DNAH14: variants seen among roughly 807,000 people sequenced by gnomAD.
DNAH14 encodes the protein dynein axonemal heavy chain 14.
Under a neutral mutation model 520.9 loss-of-function variants are expected in DNAH14, and 478 were observed. The observed-to-expected ratio is 0.92, with a 90% confidence interval of 0.85 to 0.99. DNAH14 has a LOEUF of 0.99. DNAH14 is among the 50% of genes least tolerant of loss of function. DNAH14 has a pLI of 0.00. For missense variants in DNAH14, 4,831 were observed against 5,234.5 expected (o/e 0.92, Z 2.38); for synonymous variants, 1,581 against 1,757.2 (o/e 0.90, Z 2.51).
intron 1 of DNAH14, among the ~76,000 whole-genome samples, chr1:224,944,655 G>A (rs1469518960): frequency 6.6e-6 from 1 of 152,126 alleles, no homozygotes; most frequent in Non-Finnish European, 1.5e-5. Flanking sequence ...CATGTTTAGT[G>A]CTACCTTCAG....
Position 224,955,040 on chromosome 1 carries a change from A to G in DNAH14, c.159A>G (p.Thr53=), listed in dbSNP as rs546428959. 1.9e-6 allele frequency: 3 copies of G among 1,612,004 alleles called. No homozygotes were observed. The highest frequency in any genetic ancestry group is 1.7e-5 in the Admixed American group (1 of 59,920). Residue 53 remains threonine (T), a synonymous_variant, in exon 3 of 86, where the codon ACA becomes ACG. Coordinates refer to ENST00000682510, the MANE Select transcript of DNAH14 (RefSeq NM_001367479.1). ...CAGCTGAAATAGCAGAAAAGGAAACATTGGAATATAAAACAGTTAGAACAT... is the reference window on the plus strand; with the variant it reads ...CAGCTGAAATAGCAGAAAAGGAAACGTTGGAATATAAAACAGTTAGAACAT... ...TQPAEIAEKE[T]LEYKTVRTFS... is the part of the protein sequence containing the mutation.
At chr1:225,120,308 A>T (rs2077186303) in intron 26 of DNAH14, among the ~76,000 whole-genome samples, 1 of 152,132 alleles carries the variant, frequency 6.6e-6, no homozygotes, top group Non-Finnish European at 1.5e-5. Flanking sequence ...GTGTCAGCTG[A>T]TCCATCAAGT....
Position 224,968,729 on chromosome 1 carries a change from A to G in DNAH14, c.652-30A>G, listed in dbSNP as rs895318749. On this transcript the variant is annotated intron_variant, in intron 6 of 85. Coordinates refer to ENST00000682510, the MANE Select transcript of DNAH14 (RefSeq NM_001367479.1). ...AATGGTACATATTTTTTAAAGAAAT[A>G]AAATAATGCTTTTGTGCTTTATTTT... The G allele has an allele frequency of 5.5e-6, 7 of 1,273,250 alleles. No homozygotes were observed. In the South Asian group the frequency reaches 6.4e-5, roughly 12 times the overall value. The allele number at this position is 1,273,250 out of a possible 1,614,324, so 78.9% of individuals were successfully genotyped here.
At chr1:225,150,737 T>C (rs907383638) in intron 31 of DNAH14, among the ~76,000 whole-genome samples, 1 of 88,244 alleles carries the variant, frequency 1.1e-5, no homozygotes, top group Admixed American at 1.1e-4. Context: ...TCCACATACA[T>C]TTTTTTTTTA....
intron 34 of DNAH14, among the ~76,000 whole-genome samples, chr1:225,154,182 C>A (rs2080802016): frequency 6.6e-6 from 1 of 151,746 alleles, no homozygotes; most frequent in Non-Finnish European, 1.5e-5. Flanking sequence ...AAACTTAAAA[C>A]AGGATTGAAA....
At chr1:225,133,265 A>G (rs2078619340) in intron 27 of DNAH14, among the ~76,000 whole-genome samples, 1 of 151,842 alleles carries the variant, frequency 6.6e-6, no homozygotes, top group Admixed American at 6.6e-5. Context: ...CTTTTGTTGC[A>G]ATTGCTTTTG....
intron 6 of DNAH14, chr1:224,967,902 G>T: frequency 8.1e-7 from 1 of 1,238,140 alleles, no homozygotes; most frequent in Non-Finnish European, 1.0e-6. Flanking sequence ...TAATAATAAA[G>T]AAAAGAATAT....
intron 41 of DNAH14, among the ~76,000 whole-genome samples, chr1:225,214,595 G>C (rs1257646268): frequency 6.6e-6 from 1 of 152,154 alleles, no homozygotes; most frequent in Non-Finnish European, 1.5e-5. Flanking sequence ...GTCTGTTATT[G>C]ATGTATTCAG....
At chr1:225,127,261 C>T (rs1236682041) in intron 27 of DNAH14, among the ~76,000 whole-genome samples, 14 of 148,562 alleles carry the variant, frequency 9.4e-5, no homozygotes, top group African/African-American at 1.5e-4. Flanking sequence ...CCTGGATATC[C>T]TTGTTAACTT....
At chr1:225,320,508 C>T (rs1227862534) in intron 61 of DNAH14, among the ~76,000 whole-genome samples, 1 of 152,148 alleles carries the variant, frequency 6.6e-6, no homozygotes, top group Non-Finnish European at 1.5e-5. Context: ...GTGTATTTTA[C>T]TTTGCTCACT....
intron 7 of DNAH14, among the ~76,000 whole-genome samples, chr1:224,972,599 G>A (rs2061565795): frequency 6.6e-6 from 1 of 151,962 alleles, no homozygotes; most frequent in African/African-American, 2.4e-5. Flanking sequence ...CCGAGAAGCT[G>A]GGACTACAGG....
At chr1:225,095,745 C>T (rs2074905585) in intron 21 of DNAH14, among the ~76,000 whole-genome samples, 1 of 152,118 alleles carries the variant, frequency 6.6e-6, no homozygotes, top group Non-Finnish European at 1.5e-5. Flanking sequence ...AAAGTGAATA[C>T]ATGTTGTATG....
At chr1:225,186,087 C>T (rs2149320588) in intron 37 of DNAH14, among the ~76,000 whole-genome samples, 1 of 151,338 alleles carries the variant, frequency 6.6e-6, no homozygotes, top group Middle Eastern at 3.5e-3. Flanking sequence ...ATAGTGCCTA[C>T]TTAGTCATGA....
chr1:225,250,781 T>C (rs2092512431), intron 43 of DNAH14: 1 of 457,790 alleles, frequency 2.2e-6, no homozygotes, highest in East Asian at 3.5e-5. Context: ...ATTGGCTAGT[T>C]TGAATAATTT....
intron 11 of DNAH14, among the ~76,000 whole-genome samples, chr1:225,033,452 C>A (rs1189962541): frequency 6.6e-6 from 1 of 152,074 alleles, no homozygotes; most frequent in Non-Finnish European, 1.5e-5. Context: ...TGTTTTTGCA[C>A]CAGTACCATT....
At chr1:225,102,651 G>T (rs1184925639) in intron 23 of DNAH14, among the ~76,000 whole-genome samples, 1 of 152,182 alleles carries the variant, frequency 6.6e-6, no homozygotes, top group Admixed American at 6.5e-5. Flanking sequence ...GTGATGATGA[G>T]CATTTTTTCA....
intron 26 of DNAH14, among the ~76,000 whole-genome samples, chr1:225,120,472 C>T (rs1054103875): frequency 6.6e-6 from 1 of 152,220 alleles, no homozygotes; most frequent in African/African-American, 2.4e-5. Context: ...GTTAATCCTA[C>T]AAAGGCAGAC....
Position 225,335,274 on chromosome 1 carries a change from A to ACG in DNAH14, c.10080+1768_10080+1769insCG, listed in dbSNP as rs1558425800. On this transcript the variant is annotated intron_variant, in intron 66 of 85. Transcript: ENST00000682510. ...TGTATATGCACATATACACGTGTAC[A>ACG]TTGTGTGTATATGCACATATACACA... 8.4e-3 allele frequency among the ~76,000 whole-genome samples: 781 copies of ACG among 93,050 alleles called. 29 individuals are homozygous for ACG. The highest frequency in any genetic ancestry group is 0.012 in the Middle Eastern group (2 of 166). 61.0% of individuals were successfully genotyped at this position (93,050 alleles called of 152,430 possible). A position where few individuals can be genotyped will look rare whatever the true frequency, so the allele number is the denominator to read the frequency against.
intron 23 of DNAH14, among the ~76,000 whole-genome samples, chr1:225,112,516 G>A (rs1479977909): frequency 6.6e-6 from 1 of 151,874 alleles, no homozygotes; most frequent in East Asian, 1.9e-4. Flanking sequence ...CTTTCTCTAG[G>A]TTTGAGAAGT....
Sources: allele counts gnomAD v4.1 joint callset (sites outside exome capture counted in the v4.1 genomes callset), GRCh38; gene constraint gnomAD v4.1.1; transcripts MANE v1.5; gene names NCBI Gene and HGNC (gene_info 2026-07-23, HGNC 2026-07-21).